FAM193A: variants seen among roughly 807,000 people sequenced by gnomAD.
The protein encoded by FAM193A is family with sequence similarity 193 member A, also known as protein FAM193A.
In FAM193A, 22 loss-of-function variants were observed where a neutral mutation model predicts 126.5. The observed-to-expected ratio is 0.17, with a 90% CI of 0.12 to 0.25. The LOEUF (loss-of-function observed/expected upper bound fraction) is 0.25. Ranked by LOEUF, FAM193A falls within the 10% of genes least tolerant of loss-of-function variation. FAM193A has a pLI of 1.00. For missense variants in FAM193A, 1,675 were observed against 1,672.8 expected (o/e 1.00, Z -0.02); for synonymous variants, 761 against 646.8 (o/e 1.18, Z -2.68).
intron 15 of FAM193A, among the ~76,000 whole-genome samples, chr4:2,691,812 C>G (rs1288529340): frequency 6.6e-6 from 1 of 151,276 alleles, no homozygotes; most frequent in Non-Finnish European, 1.5e-5. Context: ...GGAAGTTTGA[C>G]TATAGCATAC....
chr4:2,718,092 C>T (rs1363031870), intron 20 of FAM193A, among the ~76,000 whole-genome samples: 2 of 152,080 alleles, frequency 1.3e-5, no homozygotes, highest in Admixed American at 6.6e-5. Flanking sequence ...TTTTAAAAAT[C>T]CTGAAACATA....
chr4:2,699,739 G>A lies in FAM193A; in HGVS notation c.3567G>A (p.Gln1189=). ...GGGCCCGGGAGCACCTGCACCTCCA[G>A]GAGGAGCAGAGGCGGCGGGAGGAGG... The part of the protein sequence containing the change: ...EARAREHLHL[Q]EEQRRREEEE... The change falls in exon 19 of 21, where the codon CAG becomes CAA. Residue 1189 remains glutamine (Q), a synonymous_variant. Transcript: ENST00000637812. The A allele has an allele frequency of 1.2e-6, 2 of 1,613,988 alleles. No homozygotes were observed. The highest frequency in any genetic ancestry group is 1.7e-6 in the Non-Finnish European group (2 of 1,179,988).
At chr4:2,576,758 T>G (rs1739611265) in intron 1 of FAM193A, among the ~76,000 whole-genome samples, 1 of 152,252 alleles carries the variant, frequency 6.6e-6, no homozygotes. Flanking sequence ...TATATATGTG[T>G]GTGCTTCTAG....
chr4:2,703,548 C>A (rs1444594507), intron 19 of FAM193A, among the ~76,000 whole-genome samples: 1 of 152,156 alleles, frequency 6.6e-6, no homozygotes, highest in Non-Finnish European at 1.5e-5. Flanking sequence ...TGCCCGGACT[C>A]AATGCTTTGT....
intron 7 of FAM193A, among the ~76,000 whole-genome samples, chr4:2,656,464 A>C (rs1711697394): frequency 6.6e-6 from 1 of 152,220 alleles, no homozygotes; most frequent in Non-Finnish European, 1.5e-5. Flanking sequence ...CTGCAGGGCT[A>C]GGGAAAGTCA....
intron 1 of FAM193A, among the ~76,000 whole-genome samples, chr4:2,542,298 C>T (rs1737283210): frequency 6.6e-6 from 1 of 152,120 alleles, no homozygotes; most frequent in Non-Finnish European, 1.5e-5. Context: ...AGCAACCACG[C>T]CCGGCCATTT....
intron 1 of FAM193A, among the ~76,000 whole-genome samples, chr4:2,558,418 A>G (rs944693178): frequency 1.3e-5 from 2 of 152,150 alleles, no homozygotes; most frequent in East Asian, 1.9e-4. Flanking sequence ...TACAGTCCCT[A>G]TTGCCCAGGC....
At chr4:2,605,104 C>G (rs1468297887) in intron 2 of FAM193A, among the ~76,000 whole-genome samples, 2 of 151,904 alleles carry the variant, frequency 1.3e-5, no homozygotes, top group Non-Finnish European at 2.9e-5. Flanking sequence ...CCACCATGCC[C>G]AGGCGAGAGT....
intron 1 of FAM193A, among the ~76,000 whole-genome samples, chr4:2,541,097 C>G (rs1737206607): frequency 6.6e-6 from 1 of 151,896 alleles, no homozygotes; most frequent in South Asian, 2.1e-4. Context: ...ATGGAGAAAC[C>G]CTGTCTCTAC....
chr4:2,637,313 T>G (rs560138864), intron 5 of FAM193A, among the ~76,000 whole-genome samples: 3 of 152,282 alleles, frequency 2.0e-5, no homozygotes, highest in African/African-American at 7.2e-5. Flanking sequence ...GGCGACAGAG[T>G]GAGACCCTGT....
chr4:2,683,507 T>C (rs931944237), intron 13 of FAM193A, among the ~76,000 whole-genome samples: 1 of 152,242 alleles, frequency 6.6e-6, no homozygotes, highest in African/African-American at 2.4e-5. Flanking sequence ...TTGGCCAGGC[T>C]GGTCTTGAAC....
At chr4:2,691,240 G>A (rs995630143) in intron 15 of FAM193A, among the ~76,000 whole-genome samples, 1 of 152,102 alleles carries the variant, frequency 6.6e-6, no homozygotes, top group Non-Finnish European at 1.5e-5. Flanking sequence ...TTGAGTTAGG[G>A]TCTCACTCTT....
intron 1 of FAM193A, among the ~76,000 whole-genome samples, chr4:2,577,422 G>GGTTTTTTTTTTT (rs1739656106): frequency 2.6e-5 from 3 of 115,542 alleles, no homozygotes; most frequent in Non-Finnish European, 5.1e-5. Flanking sequence ...TTTTTTTTTT[G>GGTTTTTTTTTTT]TTTTTTTTTT....
rs1476391570 is a variant in FAM193A at position 2,716,046 on chromosome 4, A to G, written c.4396A>G (p.Ile1466Val). ...AGATGATGTCTTTCTACCTAAAGAT[A>G]TTGACCTAGACAGTGTGGATATGGA... is the stretch of plus-strand genomic sequence containing the variant. ...SIDDVFLPKD[I>V]DLDSVDMDET... Residue 1466 changes from isoleucine (I) to valine (V), a missense_variant, in exon 20 of 21, where the codon ATT becomes GTT. Physicochemically the swap from Ile to Val is conservative, Grantham distance 29. Transcript: ENST00000637812. 1 of 1,603,788 alleles carries G rather than the reference A, an allele frequency of 6.2e-7. No homozygotes were observed. The highest frequency in any genetic ancestry group is 1.1e-5 in the South Asian group (1 of 90,858).
At chr4:2,653,424 G>A (rs1745866182) in intron 7 of FAM193A, among the ~76,000 whole-genome samples, 1 of 152,072 alleles carries the variant, frequency 6.6e-6, no homozygotes, top group Non-Finnish European at 1.5e-5. Flanking sequence ...CTTCACTAAA[G>A]CAACCAGAAG....
intron 1 of FAM193A, among the ~76,000 whole-genome samples, chr4:2,566,208 C>T (rs952553841): frequency 4.6e-5 from 7 of 152,026 alleles, no homozygotes; most frequent in African/African-American, 9.7e-5. Flanking sequence ...CCACCTCGCC[C>T]GGCTAATTTT....
chr4:2,602,302 A>G (rs1339738404), intron 2 of FAM193A, among the ~76,000 whole-genome samples: 2 of 149,306 alleles, frequency 1.3e-5, no homozygotes, highest in African/African-American at 4.9e-5. Context: ...GCCTTCCCAG[A>G]GGCCTCCACT....
chr4:2,669,841 T>G (rs1713589789), intron 12 of FAM193A, among the ~76,000 whole-genome samples: 1 of 152,172 alleles, frequency 6.6e-6, no homozygotes, highest in African/African-American at 2.4e-5. Context: ...GAAGGTGTTT[T>G]AGTAGGGTCT....
chr4:2,703,480 T>C (rs570938512), intron 19 of FAM193A, among the ~76,000 whole-genome samples: 3 of 152,200 alleles, frequency 2.0e-5, no homozygotes, highest in South Asian at 4.1e-4. Context: ...CTCCTGACCT[T>C]AAGTGACCTG....
Sources: allele counts gnomAD v4.1 joint callset (sites outside exome capture counted in the v4.1 genomes callset), GRCh38; gene constraint gnomAD v4.1.1; transcripts MANE v1.5; gene names NCBI Gene and HGNC (gene_info 2026-07-23, HGNC 2026-07-21).